The following DLGAP1 variants were observed in gnomAD, a reference collection of about 807,000 sequenced individuals.
The protein encoded by DLGAP1 is disks large-associated protein 1.
DLGAP1 carries 11 observed loss-of-function variants against 90.8 expected under a neutral mutation model. That is an observed-to-expected ratio of 0.12 (90% CI 0.08 to 0.20). The LOEUF (loss-of-function observed/expected upper bound fraction) is 0.20, where lower values mean the gene tolerates loss of function less well. DLGAP1 is among the 10% of genes least tolerant of loss of function. DLGAP1 has a pLI of 1.00. For missense variants in DLGAP1, 1,050 were observed against 1,333.8 expected (o/e 0.79, Z 3.31); for synonymous variants, 558 against 540.7 (o/e 1.03, Z -0.44).
At chr18:4,048,003 T>G (rs1383148933) in intron 2 of DLGAP1, among the ~76,000 whole-genome samples, 2 of 152,090 alleles carry the variant, frequency 1.3e-5, no homozygotes, top group African/African-American at 2.4e-5. Context: ...CTCACTACAC[T>G]GCCAGGCTGG....
chr18:3,655,985 T>C, intron 7 of DLGAP1: 1 of 1,151,044 alleles, frequency 8.7e-7, no homozygotes, highest in Non-Finnish European at 1.2e-6. Flanking sequence ...AATTCGCACA[T>C]GGCGTCAAAC....
At chr18:4,204,898 T>C (rs1378435576) in intron 1 of DLGAP1, among the ~76,000 whole-genome samples, 3 of 151,856 alleles carry the variant, frequency 2.0e-5, no homozygotes, top group Non-Finnish European at 1.5e-5. Context: ...TTTTTGTGGT[T>C]TGTTTTCTTT....
chr18:3,692,521 T>G (rs2060933157), intron 7 of DLGAP1, among the ~76,000 whole-genome samples: 1 of 152,206 alleles, frequency 6.6e-6, no homozygotes, highest in Admixed American at 6.5e-5. Flanking sequence ...AGGCATAAGC[T>G]CTTCAAGGTT....
chr18:4,005,598 C>T (rs2074284400), intron 2 of DLGAP1, among the ~76,000 whole-genome samples: 1 of 152,132 alleles, frequency 6.6e-6, no homozygotes, highest in African/African-American at 2.4e-5. Context: ...TAGTGCCCAC[C>T]CTCGGGAGTT....
chr18:4,021,747 G>A (rs2149113386), intron 2 of DLGAP1, among the ~76,000 whole-genome samples: 1 of 152,000 alleles, frequency 6.6e-6, no homozygotes, highest in Non-Finnish European at 1.5e-5. Flanking sequence ...TGCAGGTATG[G>A]GCCACCATGC....
At chr18:3,963,861 T>A (rs1330411359) in intron 3 of DLGAP1, among the ~76,000 whole-genome samples, 1 of 152,162 alleles carries the variant, frequency 6.6e-6, no homozygotes, top group African/African-American at 2.4e-5. Context: ...GAAGACTTTG[T>A]ACAAAGAAAA....
At chr18:4,019,804 C>T (rs62083652) in intron 2 of DLGAP1, among the ~76,000 whole-genome samples, 16,818 of 144,724 alleles carry the variant, frequency 0.12, 1,089 homozygotes, top group Non-Finnish European at 0.16. Flanking sequence ...CATAGGCGCG[C>T]GCGTGTGCGC....
intron 5 of DLGAP1, among the ~76,000 whole-genome samples, chr18:3,748,884 C>T (rs544922424): frequency 1.3e-4 from 20 of 152,158 alleles, no homozygotes; most frequent in South Asian, 1.2e-3. Flanking sequence ...CTTTATAATC[C>T]GTATAGAAAT....
chr18:3,761,243 T>C (rs2063949296), intron 5 of DLGAP1, among the ~76,000 whole-genome samples: 1 of 152,124 alleles, frequency 6.6e-6, no homozygotes, highest in Non-Finnish European at 1.5e-5. Flanking sequence ...GAACTCCCCG[T>C]TTCCCTCCCT....
chr18:3,976,237 G>C (rs2073576383), intron 3 of DLGAP1, among the ~76,000 whole-genome samples: 1 of 143,834 alleles, frequency 7.0e-6, no homozygotes, highest in Non-Finnish European at 1.5e-5. Flanking sequence ...TTAGCCAGGT[G>C]TGGTGGTGCA....
At chr18:3,958,176 T>C (rs1189929671) in intron 3 of DLGAP1, among the ~76,000 whole-genome samples, 2 of 152,158 alleles carry the variant, frequency 1.3e-5, no homozygotes, top group African/African-American at 4.8e-5. Flanking sequence ...CTCAAAGTGC[T>C]GGGATTACAG....
intron 2 of DLGAP1, among the ~76,000 whole-genome samples, chr18:4,127,419 C>A (rs955168544): frequency 2.0e-5 from 3 of 151,260 alleles, no homozygotes; most frequent in East Asian, 1.9e-4. Context: ...TGAAGAGGTA[C>A]AAAAATACAA....
chr18:3,852,258 T>C (rs1337302222), intron 4 of DLGAP1, among the ~76,000 whole-genome samples: 2 of 152,136 alleles, frequency 1.3e-5, no homozygotes, highest in Admixed American at 6.5e-5. Flanking sequence ...AGAAAAATTT[T>C]TGAAAAGAAT....
At chr18:3,678,423 T>A (rs185474873) in intron 7 of DLGAP1, among the ~76,000 whole-genome samples, 1 of 152,210 alleles carries the variant, frequency 6.6e-6, no homozygotes, top group African/African-American at 2.4e-5. Context: ...TTCTCTCATT[T>A]CCCCATCTCT....
At chr18:3,833,280 C>T (rs1771354507) in intron 4 of DLGAP1, among the ~76,000 whole-genome samples, 1 of 150,818 alleles carries the variant, frequency 6.6e-6, no homozygotes, top group South Asian at 2.1e-4. Flanking sequence ...CTCCCCCAGG[C>T]TGGAGTGCAG....
At chr18:3,975,221 T>C (rs2073545105) in intron 3 of DLGAP1, among the ~76,000 whole-genome samples, 1 of 152,016 alleles carries the variant, frequency 6.6e-6, no homozygotes, top group Non-Finnish European at 1.5e-5. Flanking sequence ...TATATATAAA[T>C]ACATATGCAA....
At chr18:3,507,366 A>AAAACAAAACAAAAC (rs1225574980) in intron 11 of DLGAP1, among the ~76,000 whole-genome samples, 9 of 104,494 alleles carry the variant, frequency 8.6e-5, no homozygotes, top group Non-Finnish European at 6.8e-5. Context: ...CAAAACAAAA[A>AAAACAAAACAAAAC]ATTAGCTGGG....
intron 9 of DLGAP1, among the ~76,000 whole-genome samples, chr18:3,548,512 C>T (rs1474297801): frequency 6.7e-6 from 1 of 150,362 alleles, no homozygotes; most frequent in Non-Finnish European, 1.5e-5. Context: ...TGCCCATAAT[C>T]CAGCACTTTG....
intron 7 of DLGAP1, among the ~76,000 whole-genome samples, chr18:3,702,495 A>C (rs1257323682): frequency 6.6e-6 from 1 of 152,204 alleles, no homozygotes; most frequent in Non-Finnish European, 1.5e-5. Flanking sequence ...ACAGACCCCT[A>C]GGGGAGAGCC....
Sources: gnomAD v4.1 joint callset for allele counts (sites outside exome capture counted in the v4.1 genomes callset) on GRCh38, gnomAD v4.1.1 for gene constraint, MANE v1.5 for transcripts, NCBI Gene and HGNC (gene_info 2026-07-23, HGNC 2026-07-21) for gene names.